Variants in TNFRSF21 observed in about 807,000 individuals in gnomAD.
The protein encoded by TNFRSF21 is TNF receptor superfamily member 21, also known as tumor necrosis factor receptor superfamily member 21.
TNFRSF21 carries 19 observed loss-of-function variants against 45.6 expected under a neutral mutation model. The ratio of observed to expected loss-of-function variants is 0.42; its 90% CI spans 0.29 to 0.61. TNFRSF21 has a LOEUF of 0.61. Ranked by LOEUF, TNFRSF21 falls within the 20% of genes least tolerant of loss-of-function variation. TNFRSF21 has a pLI of 0.23. For missense variants in TNFRSF21, 737 were observed against 851.5 expected (o/e 0.87, Z 1.67); for synonymous variants, 314 against 335.5 (o/e 0.94, Z 0.70).
At chr6:47,254,440 C>A (rs1351435766) in intron 3 of TNFRSF21, among the ~76,000 whole-genome samples, 1 of 152,218 alleles carries the variant, frequency 6.6e-6, no homozygotes, top group Non-Finnish European at 1.5e-5. Context: ...GAAAGCTAAA[C>A]TGTGGATAAG....
intron 3 of TNFRSF21, among the ~76,000 whole-genome samples, chr6:47,270,589 A>C (rs956045517): frequency 8.5e-5 from 13 of 152,230 alleles, no homozygotes; most frequent in Non-Finnish European, 1.8e-4. Context: ...AAATTCTAAA[A>C]ATCAGAGCGC....
At chr6:47,288,378 G>A (rs1303918694) in intron 1 of TNFRSF21, among the ~76,000 whole-genome samples, 1 of 152,142 alleles carries the variant, frequency 6.6e-6, no homozygotes, top group Non-Finnish European at 1.5e-5. Context: ...GTGGAGAGAA[G>A]GTACAGTGAT....
chr6:47,284,545 C>A (rs770323671), intron 2 of TNFRSF21, 113 bp from the exon 3 acceptor site: 21 of 1,216,470 alleles, frequency 1.7e-5, no homozygotes, highest in Non-Finnish European at 2.0e-5. Flanking sequence ...GATAAGATGA[C>A]CCTTGGGGCT....
chr6:47,286,490 C>T lies in TNFRSF21; in HGVS notation c.202G>A (p.Asp68Asn). The T allele has an allele frequency of 6.2e-7, 1 of 1,614,204 alleles. No homozygotes were observed. The highest frequency in any genetic ancestry group is 8.5e-7 in the Non-Finnish European group (1 of 1,180,038). ...ACATAGGTTCCTGCTGGACACTTGT[C>T]ACAGGTTAGCACCTGGCCGGTGGCA... ...DRATGQVLTC[D>N]KCPAGTYVSE... The change falls in exon 2 of 6, where the codon GAC becomes AAC. Residue 68 changes from aspartate (D) to asparagine (N), a missense_variant. Asp to Asn is a conservative substitution (Grantham distance 23, BLOSUM62 1). Coordinates refer to ENST00000296861, the MANE Select transcript of TNFRSF21 (RefSeq NM_014452.5).
At chr6:47,233,409 T>C (rs1419982975) in intron 5 of TNFRSF21, among the ~76,000 whole-genome samples, 1 of 152,164 alleles carries the variant, frequency 6.6e-6, no homozygotes, top group African/African-American at 2.4e-5. Context: ...TGAAATGTGT[T>C]TACTAAACTA....
intron 4 of TNFRSF21, among the ~76,000 whole-genome samples, chr6:47,236,458 A>G (rs1398252981): frequency 6.6e-6 from 1 of 152,254 alleles, no homozygotes; most frequent in Non-Finnish European, 1.5e-5. Context: ...TGGGATAGTT[A>G]TATAAGGCAC....
chr6:47,252,248 T>C (rs370556903), intron 4 of TNFRSF21, among the ~76,000 whole-genome samples: 27 of 152,360 alleles, frequency 1.8e-4, no homozygotes, highest in African/African-American at 6.3e-4. Context: ...AATCTCTACC[T>C]AGCTCTTTTA....
At chr6:47,308,489 C>T (rs1260174694) in intron 1 of TNFRSF21, among the ~76,000 whole-genome samples, 1 of 152,196 alleles carries the variant, frequency 6.6e-6, no homozygotes, top group African/African-American at 2.4e-5. Flanking sequence ...ACCTAACTTG[C>T]CCCTTCACCC....
At position 47,309,485 on chromosome 6, in the gene TNFRSF21, G is replaced by A. The variant is rs370531127; in HGVS notation, c.27C>T (p.Thr9=). 21 of 1,523,222 alleles carry A rather than the reference G, an allele frequency of 1.4e-5. No individual in the cohort carries two copies. The highest frequency in any genetic ancestry group is 1.7e-5 in the Non-Finnish European group (19 of 1,142,790). 94.4% of individuals were successfully genotyped at this position (1,523,222 alleles called of 1,614,324 possible). The change falls in exon 1 of 6, where the codon ACC becomes ACT. Residue 9 remains threonine, a synonymous_variant. Coordinates refer to ENST00000296861, the MANE Select transcript of TNFRSF21 (RefSeq NM_014452.5). MGTSPSSS[T]ALASCSRIAR... ...CGATGCGGCTGCAGGAGGCGAGGGCGGTGCTGCTGCTCGGAGAGGTCCCCA... is the reference window on the plus strand; with the variant it reads ...CGATGCGGCTGCAGGAGGCGAGGGCAGTGCTGCTGCTCGGAGAGGTCCCCA...
chr6:47,260,343 A>G (rs1384114085), intron 3 of TNFRSF21, among the ~76,000 whole-genome samples: 4 of 152,178 alleles, frequency 2.6e-5, no homozygotes, highest in African/African-American at 7.2e-5. Flanking sequence ...GCAGTACTCA[A>G]TGGGTTCTTC....
In TNFRSF21 at chr6:47,232,849, T is replaced by G; in HGVS notation, c.1884A>C (p.Leu628=). 1.2e-6 allele frequency: 2 copies of G among 1,614,130 alleles called. No individual in the cohort carries two copies. Among genetic ancestry groups the G allele is most frequent in the Non-Finnish European group, 1.7e-6 (2 of 1,180,008 alleles). Reference sequence around the variant, plus strand: ...GGCTCTTGACTCCAATAATTTCGAATAGCCGGTCTAGTTTGTCCTCAGCCT... The same window carrying G: ...GGCTCTTGACTCCAATAATTTCGAAGAGCCGGTCTAGTTTGTCCTCAGCCT... ...IPQAEDKLDR[L]FEIIGVKSQE... Residue 628 remains leucine, a synonymous_variant, in exon 6 of 6, where the codon CTA becomes CTC. Transcript: ENST00000296861.
intron 5 of TNFRSF21, among the ~76,000 whole-genome samples, 157 bp from the exon 6 acceptor site, chr6:47,233,151 G>A (rs1395232249): frequency 1.3e-5 from 2 of 152,146 alleles, no homozygotes; most frequent in Non-Finnish European, 2.9e-5. Context: ...GTGATCCTCT[G>A]GCACATTCGA....
Position 47,234,832 on chromosome 6 carries a change from G to A in TNFRSF21, c.1576C>T (p.Pro526Ser), listed in dbSNP as rs752521407. 2 of 1,537,392 alleles carry A rather than the reference G, an allele frequency of 1.3e-6. No individual in the cohort carries two copies. The highest frequency in any genetic ancestry group is 1.7e-6 in the Non-Finnish European group (2 of 1,145,374). Residue 526 changes from proline (P) to serine (S), a missense_variant, in exon 5 of 6, where the codon CCC (proline) becomes TCC (serine). By Grantham distance (74) the Pro-to-Ser change is moderately conservative. Coordinates refer to ENST00000296861, the MANE Select transcript of TNFRSF21 (RefSeq NM_014452.5). Reference sequence around the variant, plus strand: ...GCGGAATTCTCAAGTTTCGCGTTGGGGCTGGGGATGGGGCTCGGGCTAAGC... The same window carrying A: ...GCGGAATTCTCAAGTTTCGCGTTGGAGCTGGGGATGGGGCTCGGGCTAAGC... ...SPLSPSPIPS[P>S]NAKLENSALL...
Position 47,286,291 on chromosome 6 carries a change from G to T in TNFRSF21, c.401C>A (p.Pro134Gln). 1 of 1,614,228 alleles carries T rather than the reference G, an allele frequency of 6.2e-7. No homozygotes were observed. Among genetic ancestry groups the T allele is most frequent in the South Asian group, 1.1e-5 (1 of 91,076 alleles). ...AGCGTTAGACTGGAACATGCCAGGT[G>T]GGCAAGTGCATTCTCGGTCAGTCAA... is the stretch of plus-strand genomic sequence containing the variant. ...AALTDRECTC[P>Q]PGMFQSNATC... The change falls in exon 2 of 6, where the codon CCA (proline) becomes CAA (glutamine). Residue 134 changes from proline to glutamine, a missense_variant. Physicochemically the swap from Pro to Gln is moderately conservative, Grantham distance 76 (BLOSUM62 -1). Transcript: ENST00000296861.
rs1484357339 is a variant in TNFRSF21 at position 47,253,444 on chromosome 6, T to A, written c.1321A>T (p.Ser441Cys). ...GAGAAAGCAGCAACCTCCCTCTCAC[T>A]GGCATTGCAAAGAAACTGATAGATA... ...KDIYQFLCNA[S>C]EREVAAFSNG... Residue 441 changes from serine (S) to cysteine (C), a missense_variant, in exon 4 of 6, where the codon AGT (serine) becomes TGT (cysteine). Coordinates refer to ENST00000296861, the MANE Select transcript of TNFRSF21 (RefSeq NM_014452.5). 6.2e-7 allele frequency: 1 copy of A among 1,614,018 alleles called. No individual in the cohort carries two copies.
chr6:47,277,768 C>T (rs573188930), intron 3 of TNFRSF21, among the ~76,000 whole-genome samples: 1 of 152,248 alleles, frequency 6.6e-6, no homozygotes, highest in East Asian at 1.9e-4. Flanking sequence ...GAGTCCATGA[C>T]TAGGAAATGG....
Position 47,234,918 on chromosome 6 carries a change from T to G in TNFRSF21, c.1510-20A>C. The G allele has an allele frequency of 7.6e-7, 1 of 1,315,216 alleles. No homozygotes were observed. The highest frequency in any genetic ancestry group is 4.0e-5 in the Admixed American group (1 of 24,792). 81.5% of individuals were successfully genotyped at this position (1,315,216 alleles called of 1,614,324 possible). On this transcript the variant is annotated intron_variant, in intron 4 of 5. Transcript: ENST00000296861. ...TTCCAGCTGTAGGAGGGAAAATTTT[T>G]TTTTATTATATATAGAAAAAAAAAC... is the stretch of plus-strand genomic sequence containing the variant.
intron 1 of TNFRSF21, among the ~76,000 whole-genome samples, chr6:47,296,712 A>C (rs373655997): frequency 6.6e-6 from 1 of 152,232 alleles, no homozygotes; most frequent in Admixed American, 6.5e-5. Flanking sequence ...ACAGCTGAAC[A>C]CCTGGAGATT....
At chr6:47,268,571 TTTC>T (rs1762368792) in intron 3 of TNFRSF21, among the ~76,000 whole-genome samples, 1 of 152,194 alleles carries the variant, frequency 6.6e-6, no homozygotes, top group Non-Finnish European at 1.5e-5. Flanking sequence ...GATTTTAAGA[TTTC>T]TTTAAGTTGC....
Sources: gnomAD v4.1 joint callset for allele counts (sites outside exome capture counted in the v4.1 genomes callset) on GRCh38, gnomAD v4.1.1 for gene constraint, MANE v1.5 for transcripts, NCBI Gene and HGNC (gene_info 2026-07-23, HGNC 2026-07-21) for gene names.